The following GPD1L variants were observed in gnomAD, a reference collection of about 807,000 sequenced individuals.
The protein encoded by GPD1L is glycerol-3-phosphate dehydrogenase 1 like.
In GPD1L, 17 loss-of-function variants were observed where a neutral mutation model predicts 32.9. The ratio of observed to expected loss-of-function variants is 0.52; its 90% confidence interval spans 0.35 to 0.78. GPD1L has a LOEUF of 0.78. Ranked by LOEUF, GPD1L falls within the 30% of genes least tolerant of loss-of-function variation. The probability of loss-of-function intolerance (pLI) is 0.01; values close to 1 mark genes in which losing one functional copy is unlikely to be tolerated. For synonymous variants in GPD1L, 187 were observed against 165.9 expected (o/e 1.13, Z -0.98); for missense variants, 361 against 447.8 (o/e 0.81, Z 1.75).
intron 2 of GPD1L, among the ~76,000 whole-genome samples, chr3:32,135,401 C>T (rs1045360060): frequency 2.0e-5 from 3 of 152,136 alleles, no homozygotes; most frequent in East Asian, 1.9e-4. Flanking sequence ...TGCCAATAAA[C>T]GACACACAGG....
At chr3:32,123,481 G>T (rs1700455045) in intron 1 of GPD1L, among the ~76,000 whole-genome samples, 1 of 152,104 alleles carries the variant, frequency 6.6e-6, no homozygotes, top group Non-Finnish European at 1.5e-5. Context: ...GAGTGATTCA[G>T]TGTCATTTGG....
At chr3:32,144,923 C>T (rs1013209117) in intron 4 of GPD1L, among the ~76,000 whole-genome samples, 12 of 150,806 alleles carry the variant, frequency 8.0e-5, no homozygotes, top group African/African-American at 1.9e-4. Context: ...AGGCTGGTCT[C>T]GAACTCCTGA....
At chr3:32,117,916 T>G (rs1443600563) in intron 1 of GPD1L, among the ~76,000 whole-genome samples, 1 of 152,176 alleles carries the variant, frequency 6.6e-6, no homozygotes, top group Admixed American at 6.5e-5. Context: ...CAGATGAACA[T>G]TGTTCCCATG....
chr3:32,164,944 G>A (rs1031739079), intron 7 of GPD1L, among the ~76,000 whole-genome samples: 5 of 152,134 alleles, frequency 3.3e-5, no homozygotes, highest in Admixed American at 2.0e-4. Context: ...GGTGGCTCAC[G>A]CCTGTAATCC....
At position 32,134,047 on chromosome 3, in the gene GPD1L, T is replaced by G. The variant is rs79214424; in HGVS notation, c.226-4540T>G. 0.024 allele frequency among the ~76,000 whole-genome samples: 3,584 copies of G among 152,302 alleles called. 286 individuals are homozygous for G. In the East Asian group the frequency reaches 0.25, roughly 11 times the overall value. ...AAGGCAAGACCTGTTGTTCTGAGTT[T>G]TGCTTCCCAGCATATTTCAGAATCT... is the stretch of plus-strand genomic sequence containing the variant. On this transcript the variant is annotated intron_variant, in intron 2 of 7. Coordinates refer to ENST00000282541, the MANE Select transcript of GPD1L (RefSeq NM_015141.4).
chr3:32,147,081 C>A (rs1184822786), intron 5 of GPD1L, among the ~76,000 whole-genome samples: 3 of 152,184 alleles, frequency 2.0e-5, no homozygotes, highest in Non-Finnish European at 4.4e-5. Flanking sequence ...CACACTTCAT[C>A]CTGAGCAGGA....
chr3:32,148,477 A>G (rs1223693352), intron 5 of GPD1L, among the ~76,000 whole-genome samples: 1 of 152,168 alleles, frequency 6.6e-6, no homozygotes, highest in African/African-American at 2.4e-5. Flanking sequence ...TTCCCACACA[A>G]TCTTTTAAAA....
At chr3:32,164,378 AT>A (rs934067437) in intron 7 of GPD1L, among the ~76,000 whole-genome samples, 1 of 152,246 alleles carries the variant, frequency 6.6e-6, no homozygotes, top group African/African-American at 2.4e-5. Context: ...CTTGCCGTGC[AT>A]GGTGCCAGGC....
intron 4 of GPD1L, among the ~76,000 whole-genome samples, 168 bp from the exon 5 acceptor site, chr3:32,146,454 T>G (rs1700827533): frequency 6.6e-6 from 1 of 152,224 alleles, no homozygotes; most frequent in African/African-American, 2.4e-5. Flanking sequence ...TCACCTCGAT[T>G]GGAAACGGGA....
In GPD1L at chr3:32,106,783, G is replaced by C. The variant is rs768373462; in HGVS notation, c.47+25G>C. ...GGTGAGCGGCGGCGGGCTGGAGGCC[G>C]GGGCTCCGCTTCCAGGAAGCGCCTC... On this transcript the variant is annotated intron_variant, in intron 1 of 7. Coordinates refer to ENST00000282541, the MANE Select transcript of GPD1L (RefSeq NM_015141.4). The surrounding 1 kb of genome is among the most constrained non-coding windows in gnomAD (Gnocchi z 4.0). 12 of 1,550,420 alleles carry C rather than the reference G, an allele frequency of 7.7e-6. No homozygotes were observed. The African/African-American group carries it at 9.9e-5, about 13-fold the overall frequency.
At chr3:32,154,458 A>G (rs896767339) in intron 5 of GPD1L, among the ~76,000 whole-genome samples, 3 of 152,038 alleles carry the variant, frequency 2.0e-5, no homozygotes, top group African/African-American at 7.2e-5. Context: ...GCTCCTGCTA[A>G]ATCTTTCCTG....
Position 32,128,149 on chromosome 3 carries a change from T to A in GPD1L, c.121T>A (p.Trp41Arg). The A allele has an allele frequency of 6.2e-7, 1 of 1,611,902 alleles. No individual in the cohort carries two copies. Among genetic ancestry groups the A allele is most frequent in the Non-Finnish European group, 8.5e-7 (1 of 1,177,964 alleles). Reference protein sequence around the residue: ...LQKFASTVKMWVFEETVNGRK... With the variant: ...LQKFASTVKMRVFEETVNGRK... ...GAAATTTGCCTCCACAGTCAAGATG[T>A]GGGTCTTTGAAGAAACAGTGAATGG... is the stretch of plus-strand genomic sequence containing the variant. Residue 41 changes from tryptophan (W) to arginine (R), a missense_variant, in exon 2 of 8, where the codon TGG becomes AGG. Transcript: ENST00000282541.
chr3:32,157,268 C>G, intron 5 of GPD1L, among the ~76,000 whole-genome samples: 1 of 150,516 alleles, frequency 6.6e-6, no homozygotes, highest in South Asian at 2.1e-4. Flanking sequence ...TTTTTTGAGA[C>G]AGAGTCTCGC....
intron 1 of GPD1L, among the ~76,000 whole-genome samples, chr3:32,116,258 G>A (rs560030264): frequency 6.8e-4 from 104 of 152,220 alleles, no homozygotes; most frequent in African/African-American, 2.4e-3. Flanking sequence ...AAATGATTAT[G>A]GATAAATTTG....
intron 1 of GPD1L, among the ~76,000 whole-genome samples, chr3:32,116,604 G>C (rs1397805967): frequency 1.3e-5 from 2 of 152,152 alleles, no homozygotes; most frequent in Admixed American, 1.3e-4. Context: ...AAGCTGGGGT[G>C]GGGATTGGGG....
At chr3:32,125,166 A>G (rs775354306) in intron 1 of GPD1L, among the ~76,000 whole-genome samples, 12 of 152,040 alleles carry the variant, frequency 7.9e-5, no homozygotes, top group Admixed American at 1.3e-4. Context: ...GCAGCCCCCA[A>G]TCCCTCCCAC....
chr3:32,150,959 G>T, intron 5 of GPD1L: 1 of 213,042 alleles, frequency 4.7e-6, no homozygotes, highest in Non-Finnish European at 9.8e-6. Flanking sequence ...GTCAGACGTG[G>T]TGGCTTGTGC....
intron 5 of GPD1L, chr3:32,151,165 G>A: frequency 1.7e-6 from 1 of 573,102 alleles, no homozygotes; most frequent in Non-Finnish European, 3.4e-6. Context: ...TCTCTGGGTG[G>A]AGCAGGCTGG....
chr3:32,140,934 A>G (rs1254086686), intron 4 of GPD1L, among the ~76,000 whole-genome samples: 1 of 152,242 alleles, frequency 6.6e-6, no homozygotes, highest in Non-Finnish European at 1.5e-5. Flanking sequence ...TACATTAGAT[A>G]CATTATTCTC....
Sources: gnomAD v4.1 joint callset for allele counts (sites outside exome capture counted in the v4.1 genomes callset) on GRCh38, gnomAD v4.1.1 for gene constraint, Gnocchi (gnomAD v3.1) non-coding constraint, MANE v1.5 for transcripts, NCBI Gene and HGNC (gene_info 2026-07-23, HGNC 2026-07-21) for gene names.